ERBB4: variants seen among roughly 807,000 people sequenced by gnomAD.
ERBB4 encodes the protein receptor tyrosine-protein kinase erbB-4.
ERBB4 carries 42 observed loss-of-function variants against 158.0 expected under a neutral mutation model. The observed-to-expected ratio is 0.27, with a 90% confidence interval of 0.21 to 0.34. The LOEUF (loss-of-function observed/expected upper bound fraction) is 0.34, where lower values mean the gene tolerates loss of function less well. ERBB4 is among the 10% of genes least tolerant of loss of function. The pLI, the probability that ERBB4 is intolerant of heterozygous loss-of-function variation, is 1.00. For missense variants in ERBB4, 1,333 were observed against 1,624.1 expected (o/e 0.82, Z 3.08); for synonymous variants, 583 against 558.7 (o/e 1.04, Z -0.61).
chr2:211,970,593 T>G, intron 2 of ERBB4, among the ~76,000 whole-genome samples: 1 of 152,192 alleles, frequency 6.6e-6, no homozygotes, highest in East Asian at 1.9e-4. Context: ...AATAGTTAGA[T>G]CTTCTTGCTG....
intron 11 of ERBB4, among the ~76,000 whole-genome samples, chr2:211,702,859 G>C (rs370613723): frequency 6.6e-6 from 1 of 152,140 alleles, no homozygotes; most frequent in East Asian, 1.9e-4. Flanking sequence ...ATATTACTTT[G>C]AGTGACAGAA....
chr2:211,653,266 A>G (rs1574929154), intron 16 of ERBB4, among the ~76,000 whole-genome samples: 1 of 152,204 alleles, frequency 6.6e-6, no homozygotes, highest in East Asian at 1.9e-4. Context: ...ATTCTAGGAG[A>G]CTAAAGGTAA....
intron 20 of ERBB4, among the ~76,000 whole-genome samples, chr2:211,510,773 AT>A (rs1045693053): frequency 1.1e-4 from 16 of 151,700 alleles, no homozygotes; most frequent in Admixed American, 7.2e-4. Context: ...GAAGCTTGCC[AT>A]TTTTTTTCTC....
At chr2:211,599,745 A>G (rs1463170621) in intron 19 of ERBB4, among the ~76,000 whole-genome samples, 1 of 152,168 alleles carries the variant, frequency 6.6e-6, no homozygotes, top group Non-Finnish European at 1.5e-5. Flanking sequence ...TAGATTGCAC[A>G]TATTATTTCC....
chr2:212,265,930 G>A lies in ERBB4; in HGVS notation c.83-141027C>T, dbSNP rs142242240. On this transcript the variant is annotated intron_variant, in intron 1 of 27. Transcript: ENST00000342788. Reference sequence around the variant, plus strand: ...TATGTGTTACTGTAACCACTGAAGTGGCATATAGTATATAGGACACAGAGA... The same window carrying A: ...TATGTGTTACTGTAACCACTGAAGTAGCATATAGTATATAGGACACAGAGA... Among the ~76,000 whole-genome samples the A allele has an allele frequency of 5.7e-3, 872 of 152,104 alleles. 15 individuals carry two copies. The highest frequency in any genetic ancestry group is 0.048 in the South Asian group (233 of 4,828).
At chr2:211,781,170 T>C (rs1197992905) in intron 4 of ERBB4, among the ~76,000 whole-genome samples, 3 of 152,218 alleles carry the variant, frequency 2.0e-5, no homozygotes, top group Non-Finnish European at 4.4e-5. Flanking sequence ...TGAGGTTTAA[T>C]TGTACTCTAT....
chr2:211,985,491 C>A (rs1473062063), intron 2 of ERBB4, among the ~76,000 whole-genome samples: 4 of 152,044 alleles, frequency 2.6e-5, no homozygotes, highest in Admixed American at 2.0e-4. Context: ...CCTCATTGAC[C>A]AAATTGACCA....
chr2:211,630,380 A>C, intron 17 of ERBB4, 82 bp downstream of exon 17: 1 of 1,527,058 alleles, frequency 6.5e-7, no homozygotes, highest in Non-Finnish European at 9.0e-7. Context: ...TTTTACTTGG[A>C]TTAAATAATT....
At chr2:211,675,810 A>AT (rs61556310) in intron 13 of ERBB4, among the ~76,000 whole-genome samples, 3 of 143,558 alleles carry the variant, frequency 2.1e-5, no homozygotes, top group South Asian at 2.2e-4. Flanking sequence ...ATATATATAT[A>AT]ACAAATAGGC....
chr2:211,706,919 C>CA (rs1172581894), intron 9 of ERBB4, among the ~76,000 whole-genome samples: 1 of 151,982 alleles, frequency 6.6e-6, no homozygotes, highest in Non-Finnish European at 1.5e-5. Flanking sequence ...AACATGAAGC[C>CA]AAAAATGAAG....
chr2:211,621,174 ACTT>A (rs1279860210), intron 18 of ERBB4, among the ~76,000 whole-genome samples: 1 of 151,976 alleles, frequency 6.6e-6, no homozygotes, highest in Non-Finnish European at 1.5e-5. Context: ...AGTATTTTAT[ACTT>A]CTTTTTAAAA....
chr2:211,465,399 T>G (rs1397925517), intron 20 of ERBB4, among the ~76,000 whole-genome samples: 3 of 150,494 alleles, frequency 2.0e-5, no homozygotes, highest in Non-Finnish European at 4.5e-5. Context: ...TGAATTTTAA[T>G]GCGGCAACAG....
chr2:212,340,730 A>G (rs1482181228), intron 1 of ERBB4, among the ~76,000 whole-genome samples: 2 of 152,316 alleles, frequency 1.3e-5, no homozygotes, highest in East Asian at 3.9e-4. Context: ...TTGCTCACCC[A>G]CTGCTCACCT....
At chr2:212,304,423 G>C (rs990000511) in intron 1 of ERBB4, among the ~76,000 whole-genome samples, 1 of 151,450 alleles carries the variant, frequency 6.6e-6, no homozygotes, top group Non-Finnish European at 1.5e-5. Flanking sequence ...AACACGTTTG[G>C]CCTGTGTCTG....
At chr2:212,098,299 G>A (rs2078987517) in intron 2 of ERBB4, among the ~76,000 whole-genome samples, 1 of 152,158 alleles carries the variant, frequency 6.6e-6, no homozygotes, top group South Asian at 2.1e-4. Context: ...TGCATTTAAA[G>A]GGAGACTTTT....
In ERBB4 at chr2:212,505,323, C is replaced by T. The variant is rs558675404; in HGVS notation, c.82+33126G>A. Among the ~76,000 whole-genome samples the T allele has an allele frequency of 2.6e-4, 40 of 152,262 alleles. No individual in the cohort carries two copies. The South Asian group carries it at 8.3e-3, about 32-fold the overall frequency. ...TGTTGGCCAGGCTGGTCTCAAACTCCTGACCTCAGGTGATCCATCCCCATC... is the reference window on the plus strand; with the variant it reads ...TGTTGGCCAGGCTGGTCTCAAACTCTTGACCTCAGGTGATCCATCCCCATC... On this transcript the variant is annotated intron_variant, in intron 1 of 27. Coordinates refer to ENST00000342788, the MANE Select transcript of ERBB4 (RefSeq NM_005235.3).
chr2:212,461,903 C>T (rs1222977290), intron 1 of ERBB4, among the ~76,000 whole-genome samples: 1 of 152,174 alleles, frequency 6.6e-6, no homozygotes, highest in Non-Finnish European at 1.5e-5. Context: ...CAAGCTCTCT[C>T]TCTTTGCCTG....
At chr2:211,465,299 C>G (rs972881428) in intron 20 of ERBB4, among the ~76,000 whole-genome samples, 2 of 150,652 alleles carry the variant, frequency 1.3e-5, no homozygotes, top group South Asian at 2.1e-4. Context: ...TCAGACACCA[C>G]GTGGAACAGA....
intron 20 of ERBB4, among the ~76,000 whole-genome samples, chr2:211,464,072 T>C (rs1458201039): frequency 2.6e-5 from 4 of 152,176 alleles, no homozygotes; most frequent in African/African-American, 9.6e-5. Context: ...CCATGAAAAC[T>C]ACCCTGCCCA....
Sources: gnomAD v4.1 joint callset for allele counts (sites outside exome capture counted in the v4.1 genomes callset) on GRCh38, gnomAD v4.1.1 for gene constraint, MANE v1.5 for transcripts, NCBI Gene and HGNC (gene_info 2026-07-23, HGNC 2026-07-21) for gene names.